GRM8: variants seen among roughly 807,000 people sequenced by gnomAD.
GRM8 encodes metabotropic glutamate receptor 8.
In GRM8, 47 loss-of-function variants were observed where a neutral mutation model predicts 87.2. The ratio of observed to expected loss-of-function variants is 0.54; its 90% confidence interval spans 0.43 to 0.69. The LOEUF (loss-of-function observed/expected upper bound fraction) is 0.69, where lower values mean the gene tolerates loss of function less well. Among genes scored for constraint, GRM8 ranks in the 30% least tolerant of loss-of-function variants. GRM8 has a pLI of 0.00. For missense variants in GRM8, 1,019 were observed against 1,139.2 expected (o/e 0.89, Z 1.52); for synonymous variants, 396 against 404.5 (o/e 0.98, Z 0.25).
At chr7:126,494,381 G>T (rs1385742740) in intron 9 of GRM8, among the ~76,000 whole-genome samples, 1 of 151,992 alleles carries the variant, frequency 6.6e-6, no homozygotes, top group Non-Finnish European at 1.5e-5. Flanking sequence ...CACGCAGGTT[G>T]TCAGTCATAC....
chr7:126,699,487 TCTGA>T (rs1229501420), intron 7 of GRM8, among the ~76,000 whole-genome samples: 1 of 152,186 alleles, frequency 6.6e-6, no homozygotes, highest in African/African-American at 2.4e-5. Flanking sequence ...GATTTGAGAC[TCTGA>T]CAGACAAAAA....
At chr7:126,636,509 C>G (rs559912577) in intron 7 of GRM8, among the ~76,000 whole-genome samples, 3 of 152,178 alleles carry the variant, frequency 2.0e-5, no homozygotes, top group Non-Finnish European at 4.4e-5. Flanking sequence ...AAAGTCTGTA[C>G]ATGTTCAATA....
At chr7:126,635,155 A>G (rs1379018174) in intron 7 of GRM8, among the ~76,000 whole-genome samples, 1 of 152,194 alleles carries the variant, frequency 6.6e-6, no homozygotes, top group Non-Finnish European at 1.5e-5. Context: ...AAAGTAGAAT[A>G]AGTCAATAAT....
At chr7:126,812,324 G>C (rs1586038424) in intron 6 of GRM8, among the ~76,000 whole-genome samples, 1 of 152,048 alleles carries the variant, frequency 6.6e-6, no homozygotes, top group Non-Finnish European at 1.5e-5. Flanking sequence ...GAACATTACA[G>C]ACTGTACTTA....
intron 3 of GRM8, among the ~76,000 whole-genome samples, chr7:127,053,868 A>C (rs1819726979): frequency 1.3e-5 from 2 of 151,850 alleles, no homozygotes. Flanking sequence ...ACATAACAGC[A>C]TACAGTTAAT....
chr7:126,912,071 C>T (rs528245697), intron 3 of GRM8, among the ~76,000 whole-genome samples: 2 of 152,152 alleles, frequency 1.3e-5, no homozygotes, highest in African/African-American at 2.4e-5. Context: ...GTGGCAGGCA[C>T]CTGTAGTCCC....
At chr7:126,972,403 T>G (rs1810518324) in intron 3 of GRM8, among the ~76,000 whole-genome samples, 1 of 152,192 alleles carries the variant, frequency 6.6e-6, no homozygotes, top group Non-Finnish European at 1.5e-5. Context: ...CTCTACACTG[T>G]CACTTTGGTA....
chr7:126,439,825 A>AGTGTGTGTGTGT (rs57638512), intron 10 of GRM8, among the ~76,000 whole-genome samples: 9,082 of 142,592 alleles, frequency 0.064, 320 homozygotes, highest in Middle Eastern at 0.088. Flanking sequence ...GGCCTAGGCT[A>AGTGTGTGTGTGT]GTGTGTGTGT....
intron 6 of GRM8, among the ~76,000 whole-genome samples, chr7:126,819,182 A>T (rs1437196795): frequency 6.6e-6 from 1 of 151,948 alleles, no homozygotes; most frequent in Non-Finnish European, 1.5e-5. Context: ...TCACACACAA[A>T]ATATTTCACA....
intron 6 of GRM8, among the ~76,000 whole-genome samples, chr7:126,895,603 ACT>A (rs1437372045): frequency 1.3e-5 from 2 of 152,048 alleles, no homozygotes; most frequent in East Asian, 1.9e-4. Context: ...GAGTAAACTA[ACT>A]CTAATTTAGC....
At chr7:126,530,232 T>C (rs1814580537) in intron 9 of GRM8, among the ~76,000 whole-genome samples, 1 of 152,236 alleles carries the variant, frequency 6.6e-6, no homozygotes, top group Non-Finnish European at 1.5e-5. Flanking sequence ...CCTGTGTGGT[T>C]CGATGCATTC....
intron 3 of GRM8, among the ~76,000 whole-genome samples, chr7:126,985,831 C>T (rs527616728): frequency 1.3e-5 from 2 of 152,260 alleles, no homozygotes; most frequent in South Asian, 4.2e-4. Context: ...ATCTTAAAGG[C>T]CCCACCTCTC....
intron 7 of GRM8, among the ~76,000 whole-genome samples, chr7:126,711,567 A>C (rs1585622275): frequency 6.6e-6 from 1 of 152,322 alleles, no homozygotes; most frequent in East Asian, 1.9e-4. Flanking sequence ...GCCCCTAACA[A>C]GAGAGTCAGA....
chr7:126,971,182 A>C (rs930688096), intron 3 of GRM8, among the ~76,000 whole-genome samples: 4 of 121,400 alleles, frequency 3.3e-5, no homozygotes, highest in East Asian at 2.8e-4. Flanking sequence ...AAAAAAAAAA[A>C]AACACTATCT....
intron 8 of GRM8, among the ~76,000 whole-genome samples, chr7:126,578,475 C>T (rs1366278045): frequency 6.6e-6 from 1 of 152,166 alleles, no homozygotes; most frequent in Non-Finnish European, 1.5e-5. Context: ...GCTCCATGAG[C>T]TGAGCTGTGC....
intron 2 of GRM8, among the ~76,000 whole-genome samples, chr7:127,172,100 C>T (rs149465516): frequency 2.0e-3 from 308 of 151,454 alleles, no homozygotes; most frequent in African/African-American, 6.9e-3. Context: ...TGTAAAGTGA[C>T]GAAATGAAGT....
chr7:126,896,796 C>A (rs1801587537), intron 6 of GRM8, among the ~76,000 whole-genome samples: 1 of 151,888 alleles, frequency 6.6e-6, no homozygotes, highest in Non-Finnish European at 1.5e-5. Flanking sequence ...CATATGCTCA[C>A]CACTATTTTG....
intron 7 of GRM8, among the ~76,000 whole-genome samples, chr7:126,637,318 A>G (rs1039929432): frequency 6.6e-6 from 1 of 152,158 alleles, no homozygotes; most frequent in East Asian, 1.9e-4. Context: ...ACAGAATCAT[A>G]TAAATAAAAA....
At chr7:127,133,982 C>A (rs1337170320) in intron 2 of GRM8, among the ~76,000 whole-genome samples, 13 of 152,100 alleles carry the variant, frequency 8.5e-5, no homozygotes, top group Non-Finnish European at 1.5e-4. Context: ...TGGGTGTGTA[C>A]ACTACTTCCA....
Sources: allele counts gnomAD v4.1 joint callset (sites outside exome capture counted in the v4.1 genomes callset), GRCh38; gene constraint gnomAD v4.1.1; transcripts MANE v1.5; gene names NCBI Gene and HGNC (gene_info 2026-07-23, HGNC 2026-07-21).